TTN: variants seen among roughly 807,000 people sequenced by gnomAD.
The protein encoded by TTN is titin.
In TTN, 1,525 loss-of-function variants were observed where a neutral mutation model predicts 3,223.0. That is an observed-to-expected ratio of 0.47 (90% CI 0.45 to 0.49). TTN has a LOEUF of 0.49. Among genes scored for constraint, TTN ranks in the 20% least tolerant of loss-of-function variants. The pLI is 0.00. For synonymous variants in TTN, 14,094 were observed against 15,161.0 expected, an observed-to-expected ratio of 0.93 and a Z score of 5.17; for missense variants, 40,786 against 43,424.0, an observed-to-expected ratio of 0.94 and a Z score of 5.40.
Position 178,563,163 on chromosome 2 carries a change from G to T in TTN, c.82969C>A (p.Pro27657Thr). ...ACCACTGAGCCAGGTAGAGTTGCAGGTTCACCTACACCTTCAGAATTGATG... is the reference window on the plus strand; with the variant it reads ...ACCACTGAGCCAGGTAGAGTTGCAGTTTCACCTACACCTTCAGAATTGATG... The part of the protein sequence containing the change: ...CAINSEGVGE[P>T]ATLPGSVVAQ... Residue 27657 changes from proline to threonine, a missense_variant, in exon 326 of 363, where the codon CCT becomes ACT. By Grantham distance (38) the Pro-to-Thr change is conservative. Coordinates refer to ENST00000589042, the MANE Select transcript of TTN (RefSeq NM_001267550.2). The surrounding 1 kb of genome is among the most constrained non-coding windows in gnomAD (Gnocchi z 4.5). The T allele has an allele frequency of 6.2e-7, 1 of 1,613,716 alleles. No individual in the cohort carries two copies. The highest frequency in any genetic ancestry group is 8.5e-7 in the Non-Finnish European group (1 of 1,179,722).
chr2:178,566,943 T>C lies in TTN; in HGVS notation c.79189A>G (p.Asn26397Asp), dbSNP rs1349397397. The stretch of plus-strand genomic sequence containing the variant: ...ACGGTCATGGAGTCTTTGGCAATAT[T>C]TGTGACTTCCAAGCTTTTTGGTGGT... Reference protein sequence around the residue: ...PGPPKSLEVTNIAKDSMTVCW... With the variant: ...PGPPKSLEVTDIAKDSMTVCW... Residue 26397 changes from asparagine (N) to aspartate (D), a missense_variant, in exon 326 of 363, where the codon AAT (asparagine) becomes GAT (aspartate). Transcript: ENST00000589042. 6.2e-7 allele frequency: 1 copy of C among 1,613,618 alleles called. No homozygotes were observed. Among genetic ancestry groups the C allele is most frequent in the Non-Finnish European group, 8.5e-7 (1 of 1,179,668 alleles).
chr2:178,683,898 T>G (rs771614873), intron 133 of TTN, 101 bp downstream of exon 133: 4 of 838,968 alleles, frequency 4.8e-6, no homozygotes, highest in Non-Finnish European at 5.3e-6. Flanking sequence ...GCTTACTTTA[T>G]ACTATGTCTT....
Position 178,786,117 on chromosome 2 carries a change from C to T in TTN, c.2101G>A (p.Ala701Thr). The change falls in exon 14 of 363, where the codon GCT becomes ACT. Residue 701 changes from alanine to threonine, a missense_variant. Coordinates refer to ENST00000589042, the MANE Select transcript of TTN (RefSeq NM_001267550.2). ...ACTGCAGCAACAACTGTTGCTACAG[C>T]TTCAGCCTTTTTTCCAACGTCCACC... ...GKVDVGKKAE[A>T]VATVVAAVDQ... 6.2e-7 allele frequency: 1 copy of T among 1,613,944 alleles called. No homozygotes were observed. Among genetic ancestry groups the T allele is most frequent in the Non-Finnish European group, 8.5e-7 (1 of 1,179,986 alleles).
At position 178,566,571 on chromosome 2, in the gene TTN, C is replaced by A; in HGVS notation, c.79561G>T (p.Gly26521Ter). 1 of 1,612,910 alleles carries A rather than the reference C, an allele frequency of 6.2e-7. No individual in the cohort carries two copies. The highest frequency in any genetic ancestry group is 2.2e-5 in the East Asian group (1 of 44,846). ...PIYDGGSEIL[G>*]YVVEICKADE... ...GCTTTACAGATTTCTACTACATATC[C>A]CAAGATCTCACTGCCGCCATCATAG... Residue 26521 changes from glycine (G) to a stop codon, truncating the protein, a stop_gained, in exon 326 of 363, where the codon GGA becomes TGA. Transcript: ENST00000589042. LOFTEE classifies it high-confidence loss of function.
chr2:178,736,851 G>C (rs752009864), intron 49 of TTN, among the ~76,000 whole-genome samples: 28 of 152,172 alleles, frequency 1.8e-4, no homozygotes, highest in Non-Finnish European at 2.6e-4. Flanking sequence ...TCATGGGCCT[G>C]GGTTTTTCTT....
At chr2:178,685,876 G>C (rs995122514) in intron 127 of TTN, among the ~76,000 whole-genome samples, 1 of 152,026 alleles carries the variant, frequency 6.6e-6, no homozygotes, top group Non-Finnish European at 1.5e-5. Context: ...GGACAAGTAC[G>C]GGACAAGAAA....
At position 178,636,421 on chromosome 2, in the gene TTN, G is replaced by A. The variant is rs1306932117; in HGVS notation, c.41306C>T (p.Ser13769Phe). The change falls in exon 225 of 363, where the codon TCC becomes TTC. Residue 13769 changes from serine (S) to phenylalanine (F), a missense_variant. Ser to Phe is a radical substitution (Grantham distance 155). Transcript: ENST00000589042. This position sits in a 1 kb window ranked among gnomAD's most constrained non-coding sequence, Gnocchi z 4.3. ...ACCTTCTACAACAAGTTTAGCCGTG[G>A]AGGTCTTTTCTTTGTTTCCCAAACG... is the stretch of plus-strand genomic sequence containing the variant. ...VLRLGNKEKT[S>F]TAKLVVEELP... 6.2e-7 allele frequency: 1 copy of A among 1,609,430 alleles called. No individual in the cohort carries two copies. Among genetic ancestry groups the A allele is most frequent in the Non-Finnish European group, 8.5e-7 (1 of 1,177,246 alleles).
intron 171 of TTN, 46 bp downstream of exon 171, chr2:178,663,581 A>G (rs1202336687): frequency 3.1e-6 from 5 of 1,613,502 alleles, no homozygotes; most frequent in Non-Finnish European, 4.2e-6. Flanking sequence ...TATTTTCCAG[A>G]GCAGAAGAGA....
intron 43 of TTN, among the ~76,000 whole-genome samples, chr2:178,763,624 T>G (rs2089770526): frequency 6.6e-6 from 1 of 152,146 alleles, no homozygotes; most frequent in African/African-American, 2.4e-5. Flanking sequence ...CTCAATGTAT[T>G]CATGACAGAA....
At chr2:178,639,064 A>G (rs2060885878) in intron 223 of TTN, among the ~76,000 whole-genome samples, 1 of 152,106 alleles carries the variant, frequency 6.6e-6, no homozygotes, top group Non-Finnish European at 1.5e-5. Context: ...TACCTATATC[A>G]TTAAGTTAGA....
Position 178,561,034 on chromosome 2 carries a change from A to AACG in TTN, c.85095_85097dup (p.Val28366dup). On this transcript the variant is annotated inframe_insertion, in exon 326 of 363. Coordinates refer to ENST00000589042, the MANE Select transcript of TTN (RefSeq NM_001267550.2). ...GGACCTCTCCAGCTTTGACAACAAT[A>AACG]ACGTCTCGGAACTTGACATCCATCA... 6.2e-7 allele frequency: 1 copy of AACG among 1,613,872 alleles called. No homozygotes were observed. The highest frequency in any genetic ancestry group is 8.5e-7 in the Non-Finnish European group (1 of 1,179,802).
rs1427595954 is a variant in TTN, at chr2:178,528,531, C to CA, written c.107219dup (p.Pro35741AlafsTer20). The CA allele has an allele frequency of 6.2e-7, 1 of 1,603,118 alleles. No individual in the cohort carries two copies. Among genetic ancestry groups the CA allele is most frequent in the Non-Finnish European group, 8.5e-7 (1 of 1,173,586 alleles). On this transcript the variant is annotated frameshift_variant, in exon 360 of 363. Transcript: ENST00000589042. LOFTEE classifies it high-confidence loss of function. ...ATATATTCATAATTAAACTTACTGG[C>CA]AGGTTGTTTTTAAACCATTCGATTT... is the stretch of plus-strand genomic sequence containing the variant.
At chr2:178,556,431 AAAACAAAC>A (rs372018605) in intron 330 of TTN, 6 of 215,272 alleles carry the variant, frequency 2.8e-5, no homozygotes, top group South Asian at 2.2e-4. Context: ...ACTCTGTCTC[AAAACAAAC>A]AAACAAACAA....
chr2:178,597,726 T>A lies in TTN; in HGVS notation c.57356A>T (p.Lys19119Met), dbSNP rs1576219870. Residue 19119 changes from lysine (K) to methionine (M), a missense_variant, in exon 294 of 363, where the codon AAG (lysine) becomes ATG (methionine). By Grantham distance (95) the Lys-to-Met change is moderately conservative. Transcript: ENST00000589042. Reference protein sequence around the residue: ...VIRIIAYVSGKPPPTVTWNMN... With the variant: ...VIRIIAYVSGMPPPTVTWNMN... ...GTTCCAGGTGACGGTTGGAGGAGGC[T>A]TTCCAGACACATAGGCAATGATTCG... 1 of 1,613,268 alleles carries A rather than the reference T, an allele frequency of 6.2e-7. No homozygotes were observed. Among genetic ancestry groups the A allele is most frequent in the South Asian group, 1.1e-5 (1 of 91,058 alleles).
chr2:178,717,898 GA>G (rs1314232851), intron 86 of TTN, 44 bp downstream of exon 86: 19 of 1,576,988 alleles, frequency 1.2e-5, no homozygotes, highest in Non-Finnish European at 1.5e-5. Flanking sequence ...ACGTTTTTAA[GA>G]AAATGAATCT....
chr2:178,611,440 G>T lies in TTN; in HGVS notation c.50789C>A (p.Ala16930Glu). Residue 16930 changes from alanine (A) to glutamate (E), a missense_variant, in exon 269 of 363, where the codon GCA becomes GAA. Coordinates refer to ENST00000589042, the MANE Select transcript of TTN (RefSeq NM_001267550.2). ...PDKEYVLRVR[A>E]VNAIGVSEPS... is the part of the protein sequence containing the mutation. ...CTCGCTGACACCAATAGCATTGACT[G>T]CTCTCACTCTCAGGACATATTCTTT... The T allele has an allele frequency of 6.2e-7, 1 of 1,612,842 alleles. No homozygotes were observed.
chr2:178,669,151 A>G (rs982642523), intron 159 of TTN, among the ~76,000 whole-genome samples: 7 of 152,204 alleles, frequency 4.6e-5, no homozygotes, highest in African/African-American at 1.7e-4. Context: ...CTTTTCTGAA[A>G]TCATACACTC....
Position 178,570,912 on chromosome 2 carries a change from C to T in TTN, c.75220G>A (p.Asp25074Asn), listed in dbSNP as rs780776048. Residue 25074 changes from aspartate (D) to asparagine (N), a missense_variant, in exon 326 of 363, where the codon GAT (aspartate) becomes AAT (asparagine). Coordinates refer to ENST00000589042, the MANE Select transcript of TTN (RefSeq NM_001267550.2). ...THFEVTGLVE[D>N]HRYEFRVIAR... ...ATAACCCGGAACTCATATCTGTGAT[C>T]TTCAACTAGGCCAGTTACTTCAAAA... 1 of 1,613,612 alleles carries T rather than the reference C, an allele frequency of 6.2e-7. No homozygotes were observed. Among genetic ancestry groups the T allele is most frequent in the Non-Finnish European group, 8.5e-7 (1 of 1,179,628 alleles).
At chr2:178,681,538 A>C (rs551929919) in intron 136 of TTN, 88 bp from the exon 137 acceptor site, 1 of 1,462,132 alleles carries the variant, frequency 6.8e-7, no homozygotes, top group African/African-American at 1.4e-5. Flanking sequence ...AGACAAATAC[A>C]ACATAATATT....
Sources: allele counts gnomAD v4.1 joint callset (sites outside exome capture counted in the v4.1 genomes callset), GRCh38; gene constraint gnomAD v4.1.1; non-coding constraint Gnocchi (gnomAD v3.1); transcripts MANE v1.5; gene names NCBI Gene and HGNC (gene_info 2026-07-23, HGNC 2026-07-21).